The following RBFOX1 variants were observed in gnomAD, a reference collection of about 807,000 sequenced individuals.
RBFOX1 encodes the protein RNA binding fox-1 homolog 1.
RBFOX1 carries 8 observed loss-of-function variants against 57.7 expected under a neutral mutation model. The ratio of observed to expected loss-of-function variants is 0.14; its 90% CI spans 0.08 to 0.25. The LOEUF (loss-of-function observed/expected upper bound fraction) is 0.25. Among genes scored for constraint, RBFOX1 ranks in the 10% least tolerant of loss-of-function variants. RBFOX1 has a pLI of 1.00. For missense variants in RBFOX1, 611 were observed against 548.5 expected (o/e 1.11, Z -1.14); for synonymous variants, 326 against 222.4 (o/e 1.47, Z -4.15).
rs148329433 is a variant in RBFOX1, at chr16:6,406,801, C to T, written c.-64+89744C>T. On this transcript the variant is annotated intron_variant, in intron 2 of 15. Coordinates refer to ENST00000550418, the MANE Select transcript of RBFOX1 (RefSeq NM_018723.4). ...AGGCTACCTGGGGTCAGGATCCATTCAGAGCTGGAAAACTTAAATAGACCA... is the reference window on the plus strand; with the variant it reads ...AGGCTACCTGGGGTCAGGATCCATTTAGAGCTGGAAAACTTAAATAGACCA... Among the ~76,000 whole-genome samples the T allele has an allele frequency of 1.3e-3, 191 of 152,214 alleles. 1 individual carries two copies. The highest frequency in any genetic ancestry group is 2.1e-3 in the Non-Finnish European group (144 of 68,008).
intron 14 of RBFOX1, among the ~76,000 whole-genome samples, chr16:7,698,190 G>GTGTT (rs1241096259): frequency 5.1e-5 from 2 of 38,936 alleles, no homozygotes; most frequent in African/African-American, 1.3e-4. Context: ...GAGGGTGTGT[G>GTGTT]TGTGTGTGTG....
At chr16:7,530,159 C>G (rs1341183621) in intron 5 of RBFOX1, among the ~76,000 whole-genome samples, 1 of 152,132 alleles carries the variant, frequency 6.6e-6, no homozygotes, top group Non-Finnish European at 1.5e-5. Context: ...TATCTTCCTG[C>G]TTCATTTACG....
At chr16:5,749,895 T>G (rs1007844395) in intron 3 of RBFOX1, among the ~76,000 whole-genome samples, 1 of 152,218 alleles carries the variant, frequency 6.6e-6, no homozygotes, top group Admixed American at 6.5e-5. Flanking sequence ...CTAGCTTTTT[T>G]CCATTGCTGG....
intron 4 of RBFOX1, among the ~76,000 whole-genome samples, chr16:7,375,659 G>A (rs2097672777): frequency 6.6e-6 from 1 of 152,118 alleles, no homozygotes; most frequent in South Asian, 2.1e-4. Flanking sequence ...GTCATTCTGT[G>A]TGACAATTCT....
intron 1 of RBFOX1, among the ~76,000 whole-genome samples, chr16:5,428,130 G>GTC (rs1567495894): frequency 8.4e-5 from 12 of 142,206 alleles, no homozygotes; most frequent in Non-Finnish European, 1.6e-4. Flanking sequence ...GTCTGTGTGT[G>GTC]TGTGTGTGTG....
At chr16:5,302,339 T>G (rs1054602357) in intron 1 of RBFOX1, among the ~76,000 whole-genome samples, 1 of 152,216 alleles carries the variant, frequency 6.6e-6, no homozygotes, top group African/African-American at 2.4e-5. Context: ...AGACTAGCTT[T>G]ATGGAGCAGC....
At chr16:6,918,281 CAAA>C (rs71147626) in intron 3 of RBFOX1, among the ~76,000 whole-genome samples, 15 of 126,138 alleles carry the variant, frequency 1.2e-4, no homozygotes, top group Admixed American at 1.6e-4. Flanking sequence ...GACTCCATCT[CAAA>C]AAAAAAAAAA....
At chr16:5,556,641 A>G (rs7186918) in intron 2 of RBFOX1, among the ~76,000 whole-genome samples, 59,229 of 152,124 alleles carry the variant, frequency 0.39, 12,346 homozygotes, top group East Asian at 0.74. Context: ...TGGGAGAACC[A>G]GCGGCTGCAG....
chr16:6,859,656 TACTC>T (rs1394122507), intron 3 of RBFOX1, among the ~76,000 whole-genome samples: 1 of 152,138 alleles, frequency 6.6e-6, no homozygotes, highest in East Asian at 1.9e-4. Context: ...GTTTGTGAGA[TACTC>T]AATAATGGAA....
At chr16:6,914,662 C>T (rs892476184) in intron 3 of RBFOX1, among the ~76,000 whole-genome samples, 1 of 152,136 alleles carries the variant, frequency 6.6e-6, no homozygotes, top group Non-Finnish European at 1.5e-5. Context: ...TTGCTTGAGG[C>T]CACGAGTTCA....
At chr16:7,200,228 A>G (rs2152714052) in intron 4 of RBFOX1, among the ~76,000 whole-genome samples, 1 of 152,338 alleles carries the variant, frequency 6.6e-6, no homozygotes, top group East Asian at 1.9e-4. Context: ...CTGTCCTTGT[A>G]GATGGTAAGG....
intron 3 of RBFOX1, among the ~76,000 whole-genome samples, chr16:7,000,322 C>G (rs1212184469): frequency 6.6e-6 from 1 of 151,984 alleles, no homozygotes; most frequent in Non-Finnish European, 1.5e-5. Context: ...ATCGATATGT[C>G]TCAAATTAAA....
At chr16:5,909,388 G>T (rs1234567335) in intron 4 of RBFOX1, among the ~76,000 whole-genome samples, 1 of 151,930 alleles carries the variant, frequency 6.6e-6, no homozygotes, top group East Asian at 1.9e-4. Context: ...CACTGTGCCC[G>T]GCCCAAGCCC....
chr16:7,574,661 G>T (rs7205826), intron 5 of RBFOX1, among the ~76,000 whole-genome samples: 63,790 of 151,850 alleles, frequency 0.42, 13,780 homozygotes, highest in East Asian at 0.53. Context: ...GATCAGATGG[G>T]GCCCACCCAG....
At chr16:6,394,073 A>T (rs1037357511) in intron 2 of RBFOX1, among the ~76,000 whole-genome samples, 3 of 152,316 alleles carry the variant, frequency 2.0e-5, no homozygotes, top group African/African-American at 7.2e-5. Flanking sequence ...CAATGCAGAC[A>T]TCCATGACTG....
intron 4 of RBFOX1, among the ~76,000 whole-genome samples, chr16:7,374,066 T>C (rs1187991752): frequency 6.6e-6 from 1 of 152,076 alleles, no homozygotes; most frequent in Admixed American, 6.6e-5. Flanking sequence ...GAGAGGCAGA[T>C]AGACCCAGAT....
chr16:5,318,200 C>A (rs2064295799), intron 1 of RBFOX1, among the ~76,000 whole-genome samples: 1 of 152,184 alleles, frequency 6.6e-6, no homozygotes. Flanking sequence ...ACGATCTCGG[C>A]TCACTGCAAC....
chr16:7,254,368 T>C (rs1241325254), intron 4 of RBFOX1, among the ~76,000 whole-genome samples: 3 of 152,148 alleles, frequency 2.0e-5, no homozygotes, highest in South Asian at 4.1e-4. Flanking sequence ...TAATCGGGTT[T>C]ATTGGATTAT....
At chr16:7,437,542 G>T (rs914627327) in intron 4 of RBFOX1, among the ~76,000 whole-genome samples, 29 of 152,138 alleles carry the variant, frequency 1.9e-4, no homozygotes, top group Non-Finnish European at 7.4e-5. Context: ...TAATCAACAT[G>T]GGAACGGAAA....
Sources: gnomAD v4.1 joint callset for allele counts (sites outside exome capture counted in the v4.1 genomes callset) on GRCh38, gnomAD v4.1.1 for gene constraint, MANE v1.5 for transcripts, NCBI Gene and HGNC (gene_info 2026-07-23, HGNC 2026-07-21) for gene names.